Variants in CNTN4 observed in about 807,000 individuals in gnomAD.
The protein encoded by CNTN4 is contactin 4.
A neutral mutation model predicts 122.5 loss-of-function variants in CNTN4; 77 were observed. That is an observed-to-expected ratio of 0.63 (90% CI 0.52 to 0.76). CNTN4 has a LOEUF of 0.76. CNTN4 is among the 30% of genes least tolerant of loss of function. The probability of loss-of-function intolerance (pLI) is 0.00; values close to 1 mark genes in which losing one functional copy is unlikely to be tolerated. For synonymous variants in CNTN4, 512 were observed against 447.0 expected (o/e 1.15, Z -1.83); for missense variants, 1,256 against 1,259.1 (o/e 1.00, Z 0.04).
At chr3:2,638,871 T>C (rs1016566408) in intron 4 of CNTN4, among the ~76,000 whole-genome samples, 2 of 152,218 alleles carry the variant, frequency 1.3e-5, no homozygotes, top group African/African-American at 4.8e-5. Flanking sequence ...TATGTGGCTT[T>C]ACCTTTAACA....
intron 3 of CNTN4, among the ~76,000 whole-genome samples, chr3:2,457,343 A>G (rs1284765803): frequency 6.6e-6 from 1 of 152,166 alleles, no homozygotes; most frequent in Non-Finnish European, 1.5e-5. Context: ...AACAATATGT[A>G]TTAGTTTTCT....
chr3:2,902,263 A>G (rs2094182743), intron 11 of CNTN4, among the ~76,000 whole-genome samples: 1 of 152,088 alleles, frequency 6.6e-6, no homozygotes, highest in Admixed American at 6.5e-5. Context: ...AATAAGGAGG[A>G]TCTCCTGTGC....
At chr3:2,568,792 C>T (rs536600807) in intron 3 of CNTN4, among the ~76,000 whole-genome samples, 2 of 152,204 alleles carry the variant, frequency 1.3e-5, no homozygotes, top group African/African-American at 4.8e-5. Context: ...CAATAGGATT[C>T]GTGAAATTCT....
intron 3 of CNTN4, among the ~76,000 whole-genome samples, chr3:2,466,622 T>G (rs2075506430): frequency 6.6e-6 from 1 of 152,182 alleles, no homozygotes; most frequent in Non-Finnish European, 1.5e-5. Context: ...GGACAATGTT[T>G]TGGGCATTGG....
At chr3:2,875,540 A>G (rs770801581) in intron 8 of CNTN4, among the ~76,000 whole-genome samples, 1 of 152,102 alleles carries the variant, frequency 6.6e-6, no homozygotes, top group Non-Finnish European at 1.5e-5. Flanking sequence ...AGCCACTCCC[A>G]TTTGTTTACC....
chr3:2,354,966 CA>C (rs1276489110), intron 3 of CNTN4, among the ~76,000 whole-genome samples: 1 of 152,168 alleles, frequency 6.6e-6, no homozygotes, highest in Non-Finnish European at 1.5e-5. Flanking sequence ...AGATTACATC[CA>C]GGAGTTGGGA....
chr3:2,982,877 T>C (rs540471976), intron 13 of CNTN4, among the ~76,000 whole-genome samples: 1 of 152,256 alleles, frequency 6.6e-6, no homozygotes, highest in Non-Finnish European at 1.5e-5. Flanking sequence ...TGATTTATTA[T>C]GAGCTTGAGA....
intron 2 of CNTN4, among the ~76,000 whole-genome samples, chr3:2,283,220 A>G (rs1241286973): frequency 6.6e-6 from 1 of 152,160 alleles, no homozygotes; most frequent in Non-Finnish European, 1.5e-5. Context: ...AGAAGACAAA[A>G]GAAATTGGTG....
intron 13 of CNTN4, among the ~76,000 whole-genome samples, chr3:2,980,826 C>T (rs983313504): frequency 6.6e-6 from 1 of 152,060 alleles, no homozygotes; most frequent in African/African-American, 2.4e-5. Flanking sequence ...TTACATGGGG[C>T]CCAAAGATTG....
chr3:2,933,895 G>A (rs1327040536), intron 13 of CNTN4, among the ~76,000 whole-genome samples: 1 of 152,126 alleles, frequency 6.6e-6, no homozygotes, highest in Non-Finnish European at 1.5e-5. Context: ...AACATCTATG[G>A]CTCAAAGGAA....
At chr3:2,345,166 A>G (rs2044355475) in intron 3 of CNTN4, among the ~76,000 whole-genome samples, 1 of 152,198 alleles carries the variant, frequency 6.6e-6, no homozygotes, top group South Asian at 2.1e-4. Context: ...TGTTCCATGC[A>G]TATGCTTCTG....
chr3:3,038,633 T>C (rs775824724), intron 18 of CNTN4, among the ~76,000 whole-genome samples: 6 of 152,210 alleles, frequency 3.9e-5, no homozygotes, highest in Non-Finnish European at 8.8e-5. Context: ...CTTCAGTCCT[T>C]TCCTCCCTTC....
At chr3:2,326,527 CAA>C (rs1491089802) in intron 2 of CNTN4, among the ~76,000 whole-genome samples, 2 of 111,272 alleles carry the variant, frequency 1.8e-5, no homozygotes, top group South Asian at 2.8e-4. Flanking sequence ...CACACACACA[CAA>C]TCTTACTGAT....
At chr3:2,141,145 G>A (rs1021582843) in intron 2 of CNTN4, among the ~76,000 whole-genome samples, 2 of 152,194 alleles carry the variant, frequency 1.3e-5, no homozygotes, top group Non-Finnish European at 2.9e-5. Flanking sequence ...AGGGTATTGT[G>A]ATAGGCAGAA....
At chr3:2,718,218 A>C (rs2087618973) in intron 4 of CNTN4, among the ~76,000 whole-genome samples, 1 of 150,716 alleles carries the variant, frequency 6.6e-6, no homozygotes, top group South Asian at 2.1e-4. Context: ...TATTATCACC[A>C]TATGCATACA....
chr3:2,740,250 G>C (rs116325107), intron 5 of CNTN4, among the ~76,000 whole-genome samples: 9,873 of 152,144 alleles, frequency 0.065, 373 homozygotes, highest in African/African-American at 0.085. Flanking sequence ...GTCTCAGCTA[G>C]TCAGGAGGCT....
chr3:3,025,980 C>T, intron 14 of CNTN4, 122 bp from the exon 15 acceptor site: 1 of 952,698 alleles, frequency 1.0e-6, no homozygotes, highest in Non-Finnish European at 1.6e-6. Context: ...CTGGTCACAG[C>T]CTCAGAAAAA....
At chr3:2,295,102 A>C (rs997238128) in intron 2 of CNTN4, among the ~76,000 whole-genome samples, 51 of 150,826 alleles carry the variant, frequency 3.4e-4, no homozygotes, top group African/African-American at 1.2e-3. Flanking sequence ...TTTGGTTCCA[A>C]GTCTTTGCTA....
intron 6 of CNTN4, among the ~76,000 whole-genome samples, chr3:2,761,735 G>T (rs1447008080): frequency 6.6e-6 from 1 of 152,050 alleles, no homozygotes; most frequent in East Asian, 1.9e-4. Context: ...CAGTTGTTCT[G>T]TCTAGGATAT....
Sources: gnomAD v4.1 joint callset for allele counts (sites outside exome capture counted in the v4.1 genomes callset) on GRCh38, gnomAD v4.1.1 for gene constraint, MANE v1.5 for transcripts, NCBI Gene and HGNC (gene_info 2026-07-23, HGNC 2026-07-21) for gene names.